PHKA2: variants seen among roughly 807,000 people sequenced by gnomAD.
PHKA2 encodes phosphorylase b kinase regulatory subunit alpha, liver isoform.
PHKA2 carries 31 observed loss-of-function variants against 102.0 expected under a neutral mutation model. The observed-to-expected ratio is 0.30, with a 90% confidence interval of 0.23 to 0.41. The LOEUF is 0.41. Among genes scored for constraint, PHKA2 ranks in the 10% least tolerant of loss-of-function variants. PHKA2 has a pLI of 1.00. For synonymous variants in PHKA2, 455 were observed against 416.2 expected (o/e 1.09, Z -1.13); for missense variants, 858 against 1,023.1 (o/e 0.84, Z 2.20).
At chrX:18,934,956 G>A (rs1782926765) in intron 11 of PHKA2, among the ~76,000 whole-genome samples, 1 of 112,528 alleles carries the variant, frequency 8.9e-6, no homozygotes, top group South Asian at 3.6e-4. Flanking sequence ...CACTTTAAAA[G>A]GCCCTGCCAG....
intron 19 of PHKA2, among the ~76,000 whole-genome samples, chrX:18,915,752 A>G (rs2048010047): frequency 9.0e-6 from 1 of 110,935 alleles, no homozygotes; most frequent in Non-Finnish European, 1.9e-5. Flanking sequence ...TGATAGCAAA[A>G]GTGGCTAAAT....
At chrX:18,966,081 G>GTTTTTTTT (rs1178984805) in intron 1 of PHKA2, among the ~76,000 whole-genome samples, 8 of 85,092 alleles carry the variant, frequency 9.4e-5, no homozygotes, top group African/African-American at 3.5e-4. Context: ...TGGCTCTTTT[G>GTTTTTTTT]TTTTTTTTTT....
At chrX:18,978,441 C>T (rs1465975198) in intron 1 of PHKA2, among the ~76,000 whole-genome samples, 1 of 111,972 alleles carries the variant, frequency 8.9e-6, no homozygotes, top group African/African-American at 3.3e-5. Context: ...AGGCCTGGCG[C>T]GGTGGCTCAC....
chrX:18,920,907 C>T (rs1431431829), intron 17 of PHKA2, among the ~76,000 whole-genome samples: 2 of 112,379 alleles, frequency 1.8e-5, no homozygotes, highest in East Asian at 5.5e-4. Flanking sequence ...ATGGATCCCT[C>T]CCTCAGAGTT....
In PHKA2 at chrX:18,915,763, T is replaced by C. The variant is rs140132950; in HGVS notation, c.2137+2918A>G. Among the ~76,000 whole-genome samples, 544 of 110,250 alleles carry C rather than the reference T, an allele frequency of 4.9e-3. 1 individual carries two copies. Among genetic ancestry groups the C allele is most frequent in the Middle Eastern group, 0.037 (8 of 215 alleles). The stretch of plus-strand genomic sequence containing the variant: ...AACATGATAGCAAAAGTGGCTAAAT[T>C]GAGGGGATGGAACAAAAAGTTGAGA... On this transcript the variant is annotated intron_variant, in intron 19 of 32. Transcript: ENST00000379942.
intron 29 of PHKA2, chrX:18,898,066 G>A (rs2047607350): frequency 8.9e-6 from 1 of 112,879 alleles, no homozygotes; most frequent in African/African-American, 3.2e-5. Flanking sequence ...AAACAGTGAA[G>A]CCCGCGTTTA....
rs113626435 is a variant in PHKA2, at chrX:18,900,190, T to A, written c.3057+480A>T. Among the ~76,000 whole-genome samples, 543 of 111,653 alleles carry A rather than the reference T, an allele frequency of 4.9e-3. 6 individuals carry two copies. Among genetic ancestry groups the A allele is most frequent in the African/African-American group, 0.017 (509 of 30,683 alleles). Reference sequence around the variant, plus strand: ...TCTTGTGGTAATACACATCAAAATATTAGAAATGCGACTCCAGTGTCCCAG... The same window carrying A: ...TCTTGTGGTAATACACATCAAAATAATAGAAATGCGACTCCAGTGTCCCAG... On this transcript the variant is annotated intron_variant, in intron 28 of 32. Coordinates refer to ENST00000379942, the MANE Select transcript of PHKA2 (RefSeq NM_000292.3).
chrX:18,977,738 C>T (rs1158789427), intron 1 of PHKA2, among the ~76,000 whole-genome samples: 1 of 112,041 alleles, frequency 8.9e-6, no homozygotes, highest in Admixed American at 9.5e-5. Context: ...CATACATCAA[C>T]GTATTTTTGG....
chrX:18,979,399 C>T (rs1251225263), intron 1 of PHKA2, among the ~76,000 whole-genome samples: 2 of 111,727 alleles, frequency 1.8e-5, no homozygotes, highest in Non-Finnish European at 3.8e-5. Context: ...AATAATCTGT[C>T]GTTACAGTGA....
intron 6 of PHKA2, among the ~76,000 whole-genome samples, chrX:18,944,641 C>T (rs781562157): frequency 8.9e-6 from 1 of 111,846 alleles, no homozygotes; most frequent in Non-Finnish European, 1.9e-5. Context: ...CAATTCCTCC[C>T]CTGACCCCCA....
chrX:18,925,783 T>A lies in PHKA2; in HGVS notation c.1460-6A>T. 1 of 1,116,070 alleles carries A rather than the reference T, an allele frequency of 9.0e-7. No homozygotes were observed. The highest frequency in any genetic ancestry group is 1.8e-5 in the African/African-American group (1 of 56,030). The allele number at this position is 1,116,070 out of a possible 1,213,427, so 92.0% of individuals were successfully genotyped here. On this transcript the variant is annotated splice_polypyrimidine_tract_variant and splice_region_variant and intron_variant, in intron 14 of 32. Transcript: ENST00000379942. ...ATTCATATTCTTATTCCGTCCTGTT[T>A]GAGAAGTAAAAGATAAATTGGAGTT...
chrX:18,961,321 T>C (rs2048866635), intron 1 of PHKA2, among the ~76,000 whole-genome samples: 1 of 112,498 alleles, frequency 8.9e-6, no homozygotes, highest in Admixed American at 9.4e-5. Flanking sequence ...TGTCTATATA[T>C]ATTTGTATTA....
intron 32 of PHKA2, chrX:18,893,980 G>GTGTT (rs1190386170): frequency 3.7e-5 from 17 of 465,148 alleles, no homozygotes; most frequent in Non-Finnish European, 4.9e-5. Flanking sequence ...GCAAGTGGTG[G>GTGTT]TGTTTGGACG....
intron 1 of PHKA2, among the ~76,000 whole-genome samples, chrX:18,968,854 G>A (rs1459003694): frequency 2.7e-5 from 3 of 112,188 alleles, no homozygotes; most frequent in Admixed American, 9.4e-5. Context: ...AATGGCTCAC[G>A]CCTGTAATCC....
Position 18,897,375 on chromosome X carries a change from G to C in PHKA2, c.3112-42C>G, listed in dbSNP as rs183298636. ...TTGGGGCCTCAGAAGCCACGCAGCA[G>C]GTGCCCCAGGGAAAGTGCGCCATCT... On this transcript the variant is annotated intron_variant, in intron 29 of 32. Transcript: ENST00000379942. 9.8e-5 allele frequency: 114 copies of C among 1,164,812 alleles called. No individual in the cohort carries two copies. The African/African-American group carries it at 1.6e-3, about 16-fold the overall frequency.
intron 17 of PHKA2, among the ~76,000 whole-genome samples, chrX:18,921,203 G>A (rs1331046121): frequency 3.6e-5 from 4 of 111,663 alleles, no homozygotes; most frequent in South Asian, 3.7e-4. Context: ...GCCAAGGCAG[G>A]TGGATCACCT....
At chrX:18,956,432 T>G (rs776238485) in intron 1 of PHKA2, among the ~76,000 whole-genome samples, 1 of 112,092 alleles carries the variant, frequency 8.9e-6, no homozygotes, top group South Asian at 3.8e-4. Flanking sequence ...ACCCATTCCT[T>G]GTGTGCCCAC....
At chrX:18,970,847 T>C (rs187677855) in intron 1 of PHKA2, among the ~76,000 whole-genome samples, 1 of 112,625 alleles carries the variant, frequency 8.9e-6, no homozygotes, top group East Asian at 2.8e-4. Context: ...TTTCCCATCA[T>C]CCCTTGCAGT....
intron 17 of PHKA2, among the ~76,000 whole-genome samples, chrX:18,923,849 G>A (rs1038799181): frequency 3.6e-5 from 4 of 111,918 alleles, no homozygotes; most frequent in African/African-American, 6.5e-5. Context: ...TGCCTGTAAA[G>A]CTTAAAAGAT....
Sources: gnomAD v4.1 joint callset for allele counts (sites outside exome capture counted in the v4.1 genomes callset) on GRCh38, gnomAD v4.1.1 for gene constraint, MANE v1.5 for transcripts, NCBI Gene and HGNC (gene_info 2026-07-23, HGNC 2026-07-21) for gene names.